Variants in HERC2 observed in about 807,000 individuals in gnomAD.
HERC2 encodes the protein E3 ubiquitin-protein ligase HERC2.
HERC2 carries 102 observed loss-of-function variants against 537.7 expected under a neutral mutation model. That is an observed-to-expected ratio of 0.19 (90% CI 0.16 to 0.22). The LOEUF (loss-of-function observed/expected upper bound fraction) is 0.22, where lower values mean the gene tolerates loss of function less well. HERC2 is among the 10% of genes least tolerant of loss of function. HERC2 has a pLI of 1.00. For synonymous variants in HERC2, 2,224 were observed against 2,466.2 expected (o/e 0.90, Z 2.91); for missense variants, 4,236 against 6,198.2 (o/e 0.68, Z 10.63).
Position 28,176,162 on chromosome 15 carries a change from C to T in HERC2, c.9686+266G>A, listed in dbSNP as rs1262824568. ...TATCCTTAGGCTTCAGCAGAAGAAA[C>T]CGTTCCCATAAATCTCACCCAAACA... On this transcript the variant is annotated intron_variant, in intron 63 of 92. Coordinates refer to ENST00000261609, the MANE Select transcript of HERC2 (RefSeq NM_004667.6). This position sits in a 1 kb window ranked among gnomAD's most constrained non-coding sequence, Gnocchi z 5.0. Among the ~76,000 whole-genome samples the T allele has an allele frequency of 6.6e-6, 1 of 152,202 alleles. No individual in the cohort carries two copies. Among genetic ancestry groups the T allele is most frequent in the African/African-American group, 2.4e-5 (1 of 41,448 alleles).
At position 28,262,844 on chromosome 15, in the gene HERC2, T is replaced by C. The variant is rs2075451377; in HGVS notation, c.2122+74A>G. 7 of 1,464,618 alleles carry C rather than the reference T, an allele frequency of 4.8e-6. 1 individual carries two copies. The highest frequency in any genetic ancestry group is 3.6e-4 in the Middle Eastern group (2 of 5,566). 90.7% of individuals were successfully genotyped at this position (1,464,618 alleles called of 1,614,324 possible). ...CTCATGGAATGTCAGGTTAAGAACA[T>C]AAAACCTGCTAACTTTAAAACATTA... On this transcript the variant is annotated intron_variant, in intron 15 of 92. Transcript: ENST00000261609.
At chr15:28,296,159 A>G (rs2076463456) in intron 3 of HERC2, among the ~76,000 whole-genome samples, 1 of 152,198 alleles carries the variant, frequency 6.6e-6, no homozygotes, top group African/African-American at 2.4e-5. Flanking sequence ...CATGATTTTT[A>G]AAAGAACAAA....
intron 10 of HERC2, among the ~76,000 whole-genome samples, chr15:28,270,299 TA>T (rs1359208392): frequency 6.7e-6 from 1 of 149,860 alleles, no homozygotes; most frequent in Non-Finnish European, 1.5e-5. Context: ...TATAGATATA[TA>T]ATATATAATA....
chr15:28,243,138 C>T (rs1903301382), intron 23 of HERC2, among the ~76,000 whole-genome samples: 1 of 152,086 alleles, frequency 6.6e-6, no homozygotes, highest in Admixed American at 6.6e-5. Flanking sequence ...AGGTGACATC[C>T]CAGAAGAGTG....
intron 57 of HERC2, among the ~76,000 whole-genome samples, chr15:28,181,828 C>T (rs1173473679): frequency 2.6e-5 from 4 of 152,238 alleles, no homozygotes; most frequent in South Asian, 4.1e-4. Context: ...GGCTATGGCA[C>T]GGCTTCCCGT....
intron 69 of HERC2, among the ~76,000 whole-genome samples, chr15:28,156,844 A>G (rs1454453522): frequency 6.6e-6 from 1 of 152,166 alleles, no homozygotes; most frequent in East Asian, 1.9e-4. Context: ...TTCAAAGGGA[A>G]TGCTTCCAGT....
rs991602859 is a variant in HERC2, at chr15:28,179,437, G to A, written c.8938-214C>T. Among the ~76,000 whole-genome samples, 39 of 152,116 alleles carry A rather than the reference G, an allele frequency of 2.6e-4. 1 individual carries two copies. Among genetic ancestry groups the A allele is most frequent in the Non-Finnish European group, 7.4e-5 (5 of 68,020 alleles). The stretch of plus-strand genomic sequence containing the variant: ...CTAGTGGTGTCCTGGCCGTGACAAC[G>A]TCACAGCACAACCTATTCCTCATGT... On this transcript the variant is annotated intron_variant, in intron 57 of 92. Coordinates refer to ENST00000261609, the MANE Select transcript of HERC2 (RefSeq NM_004667.6).
At chr15:28,129,345 C>T (rs1176647443) in intron 83 of HERC2, among the ~76,000 whole-genome samples, 3 of 152,206 alleles carry the variant, frequency 2.0e-5, no homozygotes, top group Non-Finnish European at 4.4e-5. Flanking sequence ...CTTAACTGCC[C>T]CGGCACTGAG....
At chr15:28,320,719 G>A (rs7167075) in intron 2 of HERC2, among the ~76,000 whole-genome samples, 18 of 151,358 alleles carry the variant, frequency 1.2e-4, no homozygotes, top group Admixed American at 1.2e-3. Context: ...AGTAGATTGG[G>A]TGTAAATAAT....
chr15:28,194,071 T>G (rs918200030), intron 52 of HERC2, among the ~76,000 whole-genome samples: 3 of 149,524 alleles, frequency 2.0e-5, no homozygotes, highest in African/African-American at 7.3e-5. Flanking sequence ...CTTTGACCTT[T>G]TTTTTTTTTT....
In HERC2 at chr15:28,233,806, A is replaced by T; in HGVS notation, c.4219-10T>A. On this transcript the variant is annotated splice_polypyrimidine_tract_variant and intron_variant, in intron 27 of 92. Coordinates refer to ENST00000261609, the MANE Select transcript of HERC2 (RefSeq NM_004667.6). ...TTTGACACAAAAAGTCCTGCAACAGAAACAGCTGGAAGTAACTTCAGAGCC... is the reference window on the plus strand; with the variant it reads ...TTTGACACAAAAAGTCCTGCAACAGTAACAGCTGGAAGTAACTTCAGAGCC... 6.2e-7 allele frequency: 1 copy of T among 1,611,890 alleles called. No individual in the cohort carries two copies. Among genetic ancestry groups the T allele is most frequent in the Non-Finnish European group, 8.5e-7 (1 of 1,179,728 alleles).
chr15:28,252,794 T>C (rs2075125423), intron 20 of HERC2, among the ~76,000 whole-genome samples: 1 of 152,178 alleles, frequency 6.6e-6, no homozygotes. Flanking sequence ...CAAAATAGAA[T>C]TTACTAAAAT....
In HERC2 at chr15:28,152,665, C is replaced by T. The variant is rs1303061073; in HGVS notation, c.10900+12G>A. 2.0e-6 allele frequency: 3 copies of T among 1,536,308 alleles called. No homozygotes were observed. Among genetic ancestry groups the T allele is most frequent in the East Asian group, 2.5e-5 (1 of 40,438 alleles). On this transcript the variant is annotated intron_variant, in intron 70 of 92. Coordinates refer to ENST00000261609, the MANE Select transcript of HERC2 (RefSeq NM_004667.6). ...AAAGGCTGCAGCTCCCCGCTGGGGC[C>T]AGCCCCTGTACCTGGTATCTTCACT...
chr15:28,175,716 A>G (rs1895219641), intron 63 of HERC2, 60 bp from the exon 64 acceptor site: 1 of 1,541,786 alleles, frequency 6.5e-7, no homozygotes, highest in East Asian at 2.3e-5. Flanking sequence ...ATGCTATACA[A>G]GAAGACACTC....
intron 69 of HERC2, among the ~76,000 whole-genome samples, chr15:28,155,354 G>C (rs1892890417): frequency 6.6e-6 from 1 of 152,128 alleles, no homozygotes; most frequent in African/African-American, 2.4e-5. Flanking sequence ...GTGTTCCGCA[G>C]TGGTTGAACT....
chr15:28,251,919 A>G (rs1384419389), intron 20 of HERC2, among the ~76,000 whole-genome samples: 4 of 152,226 alleles, frequency 2.6e-5, no homozygotes, highest in Non-Finnish European at 2.9e-5. Context: ...AGGTTATTTC[A>G]TATTAAATCC....
chr15:28,315,847 T>C lies in HERC2; in HGVS notation c.72+5515A>G, dbSNP rs555955033. On this transcript the variant is annotated intron_variant, in intron 2 of 92. Transcript: ENST00000261609. ...CAGACGCTGGGGATGCTGGTACAAG[T>C]TGTGGGACTGCATGCCACTGTCTAG... The C allele has an allele frequency of 3.9e-5, 23 of 594,484 alleles. 1 individual carries two copies. The highest frequency in any genetic ancestry group is 3.4e-4 in the South Asian group (22 of 64,374). 36.8% of individuals were successfully genotyped at this position (594,484 alleles called of 1,614,324 possible). A position where few individuals can be genotyped will look rare whatever the true frequency, so the allele number is the denominator to read the frequency against.
intron 2 of HERC2, among the ~76,000 whole-genome samples, chr15:28,305,809 A>G (rs1470860787): frequency 1.3e-5 from 2 of 149,596 alleles, no homozygotes; most frequent in South Asian, 2.2e-4. Flanking sequence ...CAGAATCTAC[A>G]ATGAACTCAA....
At chr15:28,203,355 C>G (rs1460361199) in intron 45 of HERC2, 1 of 149,344 alleles carries the variant, frequency 6.7e-6, no homozygotes, top group African/African-American at 2.5e-5. Flanking sequence ...TGGAGCCCCC[C>G]GGTGCTCAGG....
Sources: allele counts gnomAD v4.1 joint callset (sites outside exome capture counted in the v4.1 genomes callset), GRCh38; gene constraint gnomAD v4.1.1; non-coding constraint Gnocchi (gnomAD v3.1); transcripts MANE v1.5; gene names NCBI Gene and HGNC (gene_info 2026-07-23, HGNC 2026-07-21).